Variants in PADI6 observed in about 807,000 individuals in gnomAD.
PADI6 encodes the protein peptidyl arginine deiminase 6.
PADI6 carries 66 observed loss-of-function variants against 78.2 expected under a neutral mutation model. The ratio of observed to expected loss-of-function variants is 0.84; its 90% confidence interval spans 0.69 to 1.04. PADI6 has a LOEUF of 1.04. Ranked by LOEUF, PADI6 falls within the 50% of genes least tolerant of loss-of-function variation. The pLI, the probability that PADI6 is intolerant of heterozygous loss-of-function variation, is 0.00. For missense variants in PADI6, 854 were observed against 866.1 expected, an observed-to-expected ratio of 0.99 and a Z score of 0.18; for synonymous variants, 397 against 346.9, an observed-to-expected ratio of 1.14 and a Z score of -1.60.
At chr1:17,394,116 T>C (rs2075220399) in intron 10 of PADI6, 34 bp downstream of exon 10, 2 of 1,594,276 alleles carry the variant, frequency 1.3e-6, no homozygotes, top group African/African-American at 2.7e-5. Flanking sequence ...CTGAGCTCAG[T>C]CCAATCTCTC....
chr1:17,394,184 C>T (rs1481077085), intron 10 of PADI6, 102 bp downstream of exon 10: 1 of 1,500,124 alleles, frequency 6.7e-7, no homozygotes, highest in Admixed American at 1.9e-5. Flanking sequence ...GCCCAGGTGG[C>T]CTCTGAGGGG....
rs111841533 is a variant in PADI6 at position 17,388,695 on chromosome 1, A to G, written c.859-82A>G. 763 of 1,484,168 alleles carry G rather than the reference A, an allele frequency of 5.1e-4. 9 individuals are homozygous for G. In the African/African-American group the frequency reaches 9.4e-3, roughly 18 times the overall value. The allele number at this position is 1,484,168 out of a possible 1,614,324, so 91.9% of individuals were successfully genotyped here. ...CAAGTGGGGCCCAGCTGGGGGCCGG[A>G]CTGAACGGCCGGAACCCTGGGGTAA... On this transcript the variant is annotated intron_variant, in intron 7 of 15. Transcript: ENST00000619609.
In PADI6 at chr1:17,388,808, C is replaced by G. The variant is rs766307157; in HGVS notation, c.890C>G (p.Thr297Arg). 6.2e-7 allele frequency: 1 copy of G among 1,613,786 alleles called. No individual in the cohort carries two copies. Among genetic ancestry groups the G allele is most frequent in the East Asian group, 2.2e-5 (1 of 44,882 alleles). ...CCAGAGACTGTGCTGTACAAAGACACGGTGGTGTTCCGGGTGGCTCCCTGT... is the reference window on the plus strand; with the variant it reads ...CCAGAGACTGTGCTGTACAAAGACAGGGTGGTGTTCCGGGTGGCTCCCTGT... ...SIPETVLYKD[T>R]VVFRVAPCVF... The change falls in exon 8 of 16, where the codon ACG becomes AGG. Residue 297 changes from threonine (T) to arginine (R), a missense_variant. Physicochemically the swap from Thr to Arg is moderately conservative, Grantham distance 71 (BLOSUM62 -1). Coordinates refer to ENST00000619609, the MANE Select transcript of PADI6 (RefSeq NM_207421.4).
At chr1:17,394,585 G>A in intron 11 of PADI6, 131 bp downstream of exon 11, 1 of 1,033,108 alleles carries the variant, frequency 9.7e-7, no homozygotes, top group Non-Finnish European at 1.4e-6. Flanking sequence ...AGACATTTGA[G>A]CTTTTGATTC....
Position 17,382,063 on chromosome 1 carries a change from C to A in PADI6, c.650C>A (p.Ser217Ter). ...GTCCTCCATACCTCCAAGGAAGAGT[C>A]GAAGAAGGCGAGAGTCTACTGGCCC... ...RLVLHTSKEE[S>*]KKARVYWPQK... The change falls in exon 6 of 16, where the codon TCG becomes TAG. Residue 217 changes from serine (S) to a stop codon, truncating the protein, a stop_gained. Coordinates refer to ENST00000619609, the MANE Select transcript of PADI6 (RefSeq NM_207421.4). LOFTEE classifies it high-confidence loss of function. The A allele has an allele frequency of 6.2e-7, 1 of 1,613,904 alleles. No individual in the cohort carries two copies. The highest frequency in any genetic ancestry group is 1.1e-5 in the South Asian group (1 of 91,058).
chr1:17,377,165 T>C lies in PADI6; in HGVS notation c.367+1666T>C, dbSNP rs1412168142. 2.6e-5 allele frequency among the ~76,000 whole-genome samples: 4 copies of C among 152,084 alleles called. No homozygotes were observed. The East Asian group carries it at 7.7e-4, about 29-fold the overall frequency. ...GACTTTATTTTTTTATTTTATTTTT[T>C]CCCCCATAGAGAGGGTTTTACCATA... On this transcript the variant is annotated intron_variant, in intron 3 of 15. Transcript: ENST00000619609.
At position 17,389,418 on chromosome 1, in the gene PADI6, T is replaced by G. The variant is rs954411123; in HGVS notation, c.962+538T>G. On this transcript the variant is annotated intron_variant, in intron 8 of 15. Transcript: ENST00000619609. The stretch of plus-strand genomic sequence containing the variant: ...TTAGGGGCCCTGGTTCCTTTCAGTC[T>G]TGTTATGCTTTCCCCTGGGGTGGCT... Among the ~76,000 whole-genome samples the G allele has an allele frequency of 2.0e-5, 3 of 152,160 alleles. No individual in the cohort carries two copies. The East Asian group carries it at 5.8e-4, about 29-fold the overall frequency.
At position 17,388,478 on chromosome 1, in the gene PADI6, T is replaced by C; in HGVS notation, c.777T>C (p.Val259=). 5.0e-6 allele frequency: 8 copies of C among 1,613,734 alleles called. No individual in the cohort carries two copies. Among genetic ancestry groups the C allele is most frequent in the Non-Finnish European group, 6.8e-6 (8 of 1,179,736 alleles). Residue 259 remains valine (V), a synonymous_variant, in exon 7 of 16, where the codon GTT becomes GTC. Coordinates refer to ENST00000619609, the MANE Select transcript of PADI6 (RefSeq NM_207421.4). ...LGNHLKETFY[V]EAIAFPSAEF... ...ACCACTTGAAGGAGACTTTCTACGTTGAAGCTATAGCATTCCCATCTGCCG... is the reference window on the plus strand; with the variant it reads ...ACCACTTGAAGGAGACTTTCTACGTCGAAGCTATAGCATTCCCATCTGCCG...
At chr1:17,393,017 G>A (rs765704981) in intron 9 of PADI6, among the ~76,000 whole-genome samples, 1 of 152,080 alleles carries the variant, frequency 6.6e-6, no homozygotes, top group Non-Finnish European at 1.5e-5. Flanking sequence ...ATGGTGGCGC[G>A]CGCCTGTAGT....
chr1:17,382,558 G>A (rs546199389), intron 6 of PADI6, among the ~76,000 whole-genome samples: 27 of 152,260 alleles, frequency 1.8e-4, no homozygotes, highest in African/African-American at 5.8e-4. Context: ...CAGCCACCAC[G>A]CCATCCACCA....
Position 17,394,062 on chromosome 1 carries a change from T to A in PADI6, c.1162T>A (p.Phe388Ile). ...ACCTCAGGCCGCCGATCTCGATGAG[T>A]TCCCCATGAAGTACTCACTGGTGTG... is the stretch of plus-strand genomic sequence containing the variant. ...DTPQAADLDE[F>I]PMKYSLSPGI... Residue 388 changes from phenylalanine to isoleucine, a missense_variant, in exon 10 of 16, where the codon TTC (phenylalanine) becomes ATC (isoleucine). Phe to Ile is a conservative substitution (Grantham distance 21). Transcript: ENST00000619609. The A allele has an allele frequency of 6.2e-7, 1 of 1,613,782 alleles. No homozygotes were observed. Among genetic ancestry groups the A allele is most frequent in the Non-Finnish European group, 8.5e-7 (1 of 1,179,752 alleles).
At chr1:17,376,465 A>G (rs1336918496) in intron 3 of PADI6, among the ~76,000 whole-genome samples, 1 of 150,066 alleles carries the variant, frequency 6.7e-6, no homozygotes, top group Non-Finnish European at 1.5e-5. Flanking sequence ...ATGCCCGGCT[A>G]ATTTTTTTTT....
At chr1:17,376,858 T>C (rs1244243662) in intron 3 of PADI6, among the ~76,000 whole-genome samples, 1 of 150,312 alleles carries the variant, frequency 6.7e-6, no homozygotes, top group Non-Finnish European at 1.5e-5. Flanking sequence ...TGTGGGTTCT[T>C]TTGTGTTTTT....
At chr1:17,394,122 C>A (rs541767432) in intron 10 of PADI6, 40 bp downstream of exon 10, 15 of 1,589,042 alleles carry the variant, frequency 9.4e-6, no homozygotes, top group East Asian at 2.2e-5. Context: ...TCAGTCCAAT[C>A]TCTCAGGCCT....
rs774214535 is a variant in PADI6 at position 17,401,476 on chromosome 1, G to A, written c.*38G>A. 6.4e-7 allele frequency: 1 copy of A among 1,552,052 alleles called. No individual in the cohort carries two copies. The highest frequency in any genetic ancestry group is 8.9e-7 in the Non-Finnish European group (1 of 1,129,874). Reference sequence around the variant, plus strand: ...GAGCTGCCAGCTCTGCCCCAGCGTGGATGGCCCACTGTCACCATGCAACAG... The same window carrying A: ...GAGCTGCCAGCTCTGCCCCAGCGTGAATGGCCCACTGTCACCATGCAACAG... On this transcript the variant is annotated 3_prime_UTR_variant, in exon 16 of 16. Coordinates refer to ENST00000619609, the MANE Select transcript of PADI6 (RefSeq NM_207421.4).
intron 15 of PADI6, among the ~76,000 whole-genome samples, chr1:17,400,224 C>T (rs74318990): frequency 7.3e-6 from 1 of 136,386 alleles, no homozygotes; most frequent in South Asian, 2.4e-4. Flanking sequence ...AAAAAAAAAA[C>T]ATTCTGGGGC....
In PADI6 at chr1:17,395,621, C is replaced by T; in HGVS notation, c.1576C>T (p.Leu526Phe). 6.2e-7 allele frequency: 1 copy of T among 1,609,608 alleles called. No individual in the cohort carries two copies. Among genetic ancestry groups the T allele is most frequent in the Non-Finnish European group, 8.5e-7 (1 of 1,178,042 alleles). Residue 526 changes from leucine to phenylalanine, a missense_variant, in exon 13 of 16, where the codon CTT becomes TTT. Leu to Phe is a conservative substitution (Grantham distance 22, BLOSUM62 0). Coordinates refer to ENST00000619609, the MANE Select transcript of PADI6 (RefSeq NM_207421.4). ...EKQKEGYGDA[L>F]LFDELRADQL... ...ACAGAAGGAAGGCTATGGCGACGCT[C>T]TTCTGTTTGATGAGCTTAGAGCAGA...
intron 15 of PADI6, among the ~76,000 whole-genome samples, chr1:17,399,374 G>T (rs140162148): frequency 6.6e-6 from 1 of 152,206 alleles, no homozygotes; most frequent in South Asian, 2.1e-4. Context: ...CGAGGCAGGT[G>T]GATCACCTGA....
chr1:17,381,592 C>G (rs896351670), intron 5 of PADI6, among the ~76,000 whole-genome samples: 3 of 152,204 alleles, frequency 2.0e-5, no homozygotes, highest in Non-Finnish European at 2.9e-5. Flanking sequence ...GCCTTGGATC[C>G]TGACTTGCGG....
Sources: allele counts gnomAD v4.1 joint callset (sites outside exome capture counted in the v4.1 genomes callset), GRCh38; gene constraint gnomAD v4.1.1; transcripts MANE v1.5; gene names NCBI Gene and HGNC (gene_info 2026-07-23, HGNC 2026-07-21).